The following DUOX1 variants were observed in gnomAD, a reference collection of about 807,000 sequenced individuals.
DUOX1 encodes the protein dual oxidase 1, also known as NADPH thyroid oxidase 1.
DUOX1 carries 134 observed loss-of-function variants against 181.8 expected under a neutral mutation model. The observed-to-expected ratio is 0.74, with a 90% CI of 0.64 to 0.85. The LOEUF (loss-of-function observed/expected upper bound fraction) is 0.85, where lower values mean the gene tolerates loss of function less well. DUOX1 is among the 40% of genes least tolerant of loss of function. DUOX1 has a pLI of 0.00. For missense variants in DUOX1, 1,814 were observed against 2,064.4 expected (o/e 0.88, Z 2.35); for synonymous variants, 798 against 832.5 (o/e 0.96, Z 0.71).
chr15:45,163,428 G>A (rs1348208295), intron 31 of DUOX1, 104 bp from the exon 32 acceptor site: 22 of 1,513,100 alleles, frequency 1.5e-5, no homozygotes, highest in Admixed American at 1.9e-5. Context: ...CTAGGGAAGG[G>A]CACAAGCTAG....
chr15:45,143,872 A>G (rs1437378269), intron 16 of DUOX1, among the ~76,000 whole-genome samples, 164 bp from the exon 17 acceptor site: 2 of 152,258 alleles, frequency 1.3e-5, no homozygotes, highest in African/African-American at 2.4e-5. Flanking sequence ...TCATGGGGCT[A>G]GAGGCACAGC....
At chr15:45,145,117 G>A (rs1373587647) in intron 18 of DUOX1, 37 bp downstream of exon 18, 2 of 1,532,756 alleles carry the variant, frequency 1.3e-6, no homozygotes, top group South Asian at 2.6e-5. Context: ...TTATGCTGTG[G>A]TGGTGTCCTT....
At chr15:45,138,056 GCA>G in intron 10 of DUOX1, 42 bp downstream of exon 10, 2 of 1,422,882 alleles carry the variant, frequency 1.4e-6, no homozygotes, top group Admixed American at 1.8e-5. Flanking sequence ...GTGTGTGTGT[GCA>G]TGCTTATGTG....
At position 45,161,761 on chromosome 15, in the gene DUOX1, C is replaced by A. The variant is rs372852972; in HGVS notation, c.3880C>A (p.Arg1294=). The part of the protein sequence containing the change: ...PSGVTHLRFQ[R]PQGFEYKSGQ... ...AGGAGTGACCCACCTGCGGTTCCAG[C>A]GGCCCCAGGGCTTTGAGTACAAGTC... The change falls in exon 30 of 34, where the codon CGG becomes AGG. Residue 1294 remains arginine (R), a synonymous_variant. Coordinates refer to ENST00000389037, the MANE Select transcript of DUOX1 (RefSeq NM_175940.3). 3.1e-6 allele frequency: 5 copies of A among 1,613,626 alleles called. No individual in the cohort carries two copies. In the African/African-American group the frequency reaches 4.0e-5, roughly 13 times the overall value.
Position 45,134,310 on chromosome 15 carries a change from G to A in DUOX1, c.307+1G>A, listed in dbSNP as rs769423272. On this transcript the variant is annotated splice_donor_variant, in intron 4 of 33. Transcript: ENST00000389037. LOFTEE classifies it high-confidence loss of function. ...CGCACAGTGTTGGGGGTCTTCTTTG[G>A]TGAGAACTTCAACCTCTGGGGAAGG... 1.3e-6 allele frequency: 2 copies of A among 1,592,534 alleles called. No homozygotes were observed. The highest frequency in any genetic ancestry group is 1.1e-5 in the South Asian group (1 of 88,470).
At chr15:45,148,200 G>A (rs1270167694) in intron 20 of DUOX1, 72 bp from the exon 21 acceptor site, 4 of 1,602,072 alleles carry the variant, frequency 2.5e-6, no homozygotes, top group East Asian at 2.2e-5. Flanking sequence ...TTGGTGCGAT[G>A]GAGTCAGTGT....
intron 9 of DUOX1, 140 bp from the exon 10 acceptor site, chr15:45,137,784 T>G: frequency 1.7e-6 from 1 of 575,600 alleles, no homozygotes; most frequent in Admixed American, 2.9e-5. Context: ...CCCTCCAGGA[T>G]GTGCTAAGGT....
chr15:45,165,143 AG>A lies in DUOX1; in HGVS notation c.*243del. On this transcript the variant is annotated 3_prime_UTR_variant, in exon 34 of 34. Transcript: ENST00000389037. ...TAGGGACTAGAGTGAGAAGTAGGGG[AG>A]CTACTGATTTGGGGCAAAGTGAAAC... 1 of 562,680 alleles carries A rather than the reference AG, an allele frequency of 1.8e-6. No homozygotes were observed. Among genetic ancestry groups the A allele is most frequent in the Non-Finnish European group, 3.2e-6 (1 of 316,596 alleles). The allele number at this position is 562,680 out of a possible 1,614,324, so 34.9% of individuals were successfully genotyped here.
chr15:45,164,839 G>T lies in DUOX1; in HGVS notation c.4594G>T (p.Ala1532Ser). ...PPGMTKNVEK[A>S]CQLINRQDRT... ...TGGCATGACCAAGAATGTGGAAAAG[G>T]CCTGTCAGCTCATCAACAGGCAGGA... is the stretch of plus-strand genomic sequence containing the variant. The change falls in exon 34 of 34, where the codon GCC becomes TCC. Residue 1532 changes from alanine (A) to serine (S), a missense_variant. By Grantham distance (99) the Ala-to-Ser change is moderately conservative. Coordinates refer to ENST00000389037, the MANE Select transcript of DUOX1 (RefSeq NM_175940.3). 1.9e-6 allele frequency: 3 copies of T among 1,614,102 alleles called. No individual in the cohort carries two copies. In the African/African-American group the frequency reaches 4.0e-5, roughly 22 times the overall value.
At chr15:45,135,057 A>G (rs756814923) in intron 4 of DUOX1, 47 bp from the exon 5 acceptor site, 2 of 1,593,782 alleles carry the variant, frequency 1.3e-6, no homozygotes, top group Non-Finnish European at 8.5e-7. Flanking sequence ...GTAAGAAGGA[A>G]AGTGGCCCTC....
At chr15:45,153,905 G>C (rs1896898972) in intron 26 of DUOX1, 46 bp from the exon 27 acceptor site, 2 of 1,522,302 alleles carry the variant, frequency 1.3e-6, no homozygotes, top group African/African-American at 2.8e-5. Flanking sequence ...AAAAAAGAGA[G>C]AGAGATCTCC....
At position 45,151,962 on chromosome 15, in the gene DUOX1, A is replaced by G; in HGVS notation, c.3103A>G (p.Lys1035Glu). ...SCLHQTVQQF[K>E]RFIENYRRHI... is the part of the protein sequence containing the mutation. Reference sequence around the variant, plus strand: ...TCTCCACCAGACGGTGCAACAGTTCAAGCGCTTCATTGAGAACTACCGGCG... The same window carrying G: ...TCTCCACCAGACGGTGCAACAGTTCGAGCGCTTCATTGAGAACTACCGGCG... The change falls in exon 24 of 34, where the codon AAG (lysine) becomes GAG (glutamate). Residue 1035 changes from lysine to glutamate, a missense_variant. This residue lies in a region of DUOX1 where 1,064 missense variants were observed against 1,152.9 expected (regional missense o/e 0.92). Transcript: ENST00000389037. 1.9e-6 allele frequency: 3 copies of G among 1,613,848 alleles called. No homozygotes were observed. The highest frequency in any genetic ancestry group is 4.5e-5 in the East Asian group (2 of 44,822).
In DUOX1 at chr15:45,163,782, T is replaced by C; in HGVS notation, c.4405-8T>C. 6.2e-7 allele frequency: 1 copy of C among 1,614,008 alleles called. No homozygotes were observed. The highest frequency in any genetic ancestry group is 8.5e-7 in the Non-Finnish European group (1 of 1,179,908). On this transcript the variant is annotated splice_polypyrimidine_tract_variant and splice_region_variant and intron_variant, in intron 32 of 33. Coordinates refer to ENST00000389037, the MANE Select transcript of DUOX1 (RefSeq NM_175940.3). The stretch of plus-strand genomic sequence containing the variant: ...GGCTGAACTTTGTTCCACCCTTCCC[T>C]ACCATAGTACATCTGTGAGCGGCAC...
At chr15:45,146,462 CACGAAGGGTGCTGATAT>C (rs1346329640) in intron 18 of DUOX1, among the ~76,000 whole-genome samples, 3 of 152,202 alleles carry the variant, frequency 2.0e-5, no homozygotes, top group African/African-American at 7.2e-5. Context: ...TGTGCTGAGA[CACGAAGGGTGCTGATAT>C]ATCCTGGGGG....
At chr15:45,151,567 G>A (rs754743902) in intron 23 of DUOX1, among the ~76,000 whole-genome samples, 56 of 152,270 alleles carry the variant, frequency 3.7e-4, no homozygotes, top group African/African-American at 1.3e-3. Flanking sequence ...TATGGGCGCC[G>A]GGTGGGAGTT....
At chr15:45,158,362 A>C (rs1430805596) in intron 28 of DUOX1, among the ~76,000 whole-genome samples, 1 of 150,720 alleles carries the variant, frequency 6.6e-6, no homozygotes, top group Non-Finnish European at 1.5e-5. Context: ...GAATCTAGGA[A>C]GACTTAGCTG....
At position 45,146,799 on chromosome 15, in the gene DUOX1, G is replaced by A. The variant is rs115023918; in HGVS notation, c.2323-634G>A. Among the ~76,000 whole-genome samples the A allele has an allele frequency of 4.7e-3, 711 of 152,310 alleles. 5 individuals carry two copies. Among genetic ancestry groups the A allele is most frequent in the African/African-American group, 0.016 (682 of 41,566 alleles). On this transcript the variant is annotated intron_variant, in intron 18 of 33. Coordinates refer to ENST00000389037, the MANE Select transcript of DUOX1 (RefSeq NM_175940.3). ...TTGACAGGCAGGAAAGACAGGTACTGTGGCCTGTGGCCTGCCTGCTTCCTC... is the reference window on the plus strand; with the variant it reads ...TTGACAGGCAGGAAAGACAGGTACTATGGCCTGTGGCCTGCCTGCTTCCTC...
chr15:45,153,198 G>A (rs28375309), intron 25 of DUOX1, 182 bp from the exon 26 acceptor site: 69,925 of 499,636 alleles, frequency 0.14, 8,760 homozygotes, highest in East Asian at 0.4. Context: ...TCCAGCCTGG[G>A]TGACAGAGTG....
intron 33 of DUOX1, 103 bp downstream of exon 33, chr15:45,164,021 A>C: frequency 6.6e-7 from 1 of 1,510,838 alleles, no homozygotes; most frequent in East Asian, 2.3e-5. Flanking sequence ...TGCTGATGAG[A>C]ACCCATCCCC....
Sources: allele counts gnomAD v4.1 joint callset (sites outside exome capture counted in the v4.1 genomes callset), GRCh38; gene constraint gnomAD v4.1.1; regional missense constraint gnomAD v4.1.1; transcripts MANE v1.5; gene names NCBI Gene and HGNC (gene_info 2026-07-23, HGNC 2026-07-21).